BMPER: variants seen among roughly 807,000 people sequenced by gnomAD.
The protein encoded by BMPER is BMP binding endothelial regulator.
In BMPER, 45 loss-of-function variants were observed where a neutral mutation model predicts 87.3. That is an observed-to-expected ratio of 0.52 (90% CI 0.41 to 0.66). BMPER has a LOEUF of 0.66. Ranked by LOEUF, BMPER falls within the 30% of genes least tolerant of loss-of-function variation. BMPER has a pLI of 0.00. For synonymous variants in BMPER, 326 were observed against 316.2 expected (o/e 1.03, Z -0.33); for missense variants, 784 against 867.5 (o/e 0.90, Z 1.21).
At chr7:33,981,535 A>T (rs1427478) in intron 6 of BMPER, among the ~76,000 whole-genome samples, 87,263 of 151,972 alleles carry the variant, frequency 0.57, 25,360 homozygotes, top group Middle Eastern at 0.65. Context: ...TTGTAATTAG[A>T]TATTTTTGTT....
chr7:33,919,358 G>A (rs1428249009), intron 2 of BMPER, among the ~76,000 whole-genome samples: 1 of 152,204 alleles, frequency 6.6e-6, no homozygotes, highest in East Asian at 1.9e-4. Flanking sequence ...AGGTTATTGC[G>A]ATGTACCTGA....
chr7:33,949,524 C>T (rs1784969500), intron 3 of BMPER, among the ~76,000 whole-genome samples: 1 of 152,044 alleles, frequency 6.6e-6, no homozygotes, highest in South Asian at 2.1e-4. Context: ...TGGTGAGACT[C>T]TAACCTGTAA....
intron 4 of BMPER, among the ~76,000 whole-genome samples, chr7:33,969,814 C>G (rs1385808938): frequency 6.6e-6 from 1 of 152,178 alleles, no homozygotes; most frequent in Non-Finnish European, 1.5e-5. Context: ...GACCCAGGCT[C>G]TGTGTGAGGC....
intron 13 of BMPER, among the ~76,000 whole-genome samples, chr7:34,101,103 C>T (rs1161900487): frequency 6.6e-6 from 1 of 152,186 alleles, no homozygotes; most frequent in African/African-American, 2.4e-5. Context: ...TGGTTTTCTC[C>T]ATTTCTAGTC....
At chr7:34,035,848 A>G (rs1343927523) in intron 6 of BMPER, among the ~76,000 whole-genome samples, 1 of 152,204 alleles carries the variant, frequency 6.6e-6, no homozygotes, top group Non-Finnish European at 1.5e-5. Flanking sequence ...AAATAAAACA[A>G]TATAAACTAT....
At chr7:34,054,546 G>C (rs1204014872) in intron 8 of BMPER, among the ~76,000 whole-genome samples, 6 of 152,134 alleles carry the variant, frequency 3.9e-5, no homozygotes, top group African/African-American at 1.4e-4. Flanking sequence ...TTAACTTACA[G>C]ATGATACAAA....
chr7:33,931,495 G>A (rs1562637280), intron 2 of BMPER, among the ~76,000 whole-genome samples: 1 of 152,192 alleles, frequency 6.6e-6, no homozygotes, highest in Non-Finnish European at 1.5e-5. Flanking sequence ...TAAACCTGAA[G>A]TATTATTCTT....
At chr7:33,905,221 C>T, upstream of BMPER, 1 of 308,374 alleles carries the variant, frequency 3.2e-6, no homozygotes, top group Non-Finnish European at 6.2e-6. Flanking sequence ...GCCCGGGCGG[C>T]GGCTGAGCGG....
chr7:33,934,820 C>T (rs1050102286), intron 2 of BMPER, among the ~76,000 whole-genome samples: 8 of 152,166 alleles, frequency 5.3e-5, no homozygotes, highest in Admixed American at 2.0e-4. Context: ...TGGCTAAGGC[C>T]GCAGCCAGGT....
chr7:34,013,254 G>T (rs1228897108), intron 6 of BMPER, among the ~76,000 whole-genome samples: 1 of 151,490 alleles, frequency 6.6e-6, no homozygotes, highest in African/African-American at 2.4e-5. Context: ...AAAGCCAGAG[G>T]CTTGGGAATT....
At chr7:34,119,072 A>C (rs934568395) in intron 13 of BMPER, among the ~76,000 whole-genome samples, 27 of 134,668 alleles carry the variant, frequency 2.0e-4, no homozygotes, top group Non-Finnish European at 4.2e-4. Flanking sequence ...CATGCACGCT[A>C]TTGGTTCTGC....
At chr7:33,930,886 G>C (rs1217457267) in intron 2 of BMPER, among the ~76,000 whole-genome samples, 1 of 152,186 alleles carries the variant, frequency 6.6e-6, no homozygotes, top group Non-Finnish European at 1.5e-5. Context: ...GGAGCTTGAG[G>C]CTGCAGTGAG....
At chr7:33,971,518 T>C (rs1008172187) in intron 5 of BMPER, among the ~76,000 whole-genome samples, 4 of 152,222 alleles carry the variant, frequency 2.6e-5, no homozygotes, top group African/African-American at 9.6e-5. Context: ...ATTTTTTCCA[T>C]TATCCAGTTG....
chr7:34,117,431 C>A (rs1790146104), intron 13 of BMPER, among the ~76,000 whole-genome samples: 2 of 152,168 alleles, frequency 1.3e-5, no homozygotes, highest in African/African-American at 4.8e-5. Flanking sequence ...GAGGCCATAT[C>A]TTGTCCCAGG....
At chr7:34,141,183 G>A (rs902190618) in intron 13 of BMPER, among the ~76,000 whole-genome samples, 6 of 152,052 alleles carry the variant, frequency 3.9e-5, no homozygotes, top group African/African-American at 1.4e-4. Context: ...TTAAGGACAA[G>A]CTTTATTTGG....
intron 6 of BMPER, among the ~76,000 whole-genome samples, chr7:34,004,537 G>A (rs1357197345): frequency 1.3e-5 from 2 of 152,070 alleles, no homozygotes; most frequent in African/African-American, 4.8e-5. Flanking sequence ...CTGAAAAATT[G>A]TATTTTCTCC....
chr7:34,065,157 A>G (rs939424360), intron 11 of BMPER, among the ~76,000 whole-genome samples: 1 of 151,870 alleles, frequency 6.6e-6, no homozygotes, highest in Non-Finnish European at 1.5e-5. Context: ...ATTAAAACAC[A>G]TACACTCTCT....
In BMPER at chr7:34,060,416, A is replaced by G. The variant is rs139392183; in HGVS notation, c.1033-1586A>G. Among the ~76,000 whole-genome samples, 24 of 152,232 alleles carry G rather than the reference A, an allele frequency of 1.6e-4. No individual in the cohort carries two copies. The East Asian group carries it at 4.2e-3, about 27-fold the overall frequency. Reference sequence around the variant, plus strand: ...CTGCAACTGCTTTCAGTCTTGAGAAACCAAAAGAGACCCCTGTGCCAAATT... The same window carrying G: ...CTGCAACTGCTTTCAGTCTTGAGAAGCCAAAAGAGACCCCTGTGCCAAATT... On this transcript the variant is annotated intron_variant, in intron 10 of 14. Transcript: ENST00000649409.
chr7:34,070,757 G>A (rs553265994), intron 11 of BMPER, among the ~76,000 whole-genome samples: 27 of 151,122 alleles, frequency 1.8e-4, no homozygotes, highest in East Asian at 3.9e-4. Context: ...ATATGCTGAC[G>A]TGCATGGTGA....
Sources: allele counts gnomAD v4.1 joint callset (sites outside exome capture counted in the v4.1 genomes callset), GRCh38; gene constraint gnomAD v4.1.1; transcripts MANE v1.5; gene names NCBI Gene and HGNC (gene_info 2026-07-23, HGNC 2026-07-21).